The following RARB variants were observed in gnomAD, a reference collection of about 807,000 sequenced individuals.
RARB encodes retinoic acid receptor beta, also known as HBV-activated protein.
Under a neutral mutation model 51.9 loss-of-function variants are expected in RARB, and 17 were observed. That is an observed-to-expected ratio of 0.33 (90% CI 0.22 to 0.49). RARB has a LOEUF of 0.49. RARB is among the 20% of genes least tolerant of loss of function. The probability of loss-of-function intolerance (pLI) is 0.99; values close to 1 mark genes in which losing one functional copy is unlikely to be tolerated. For missense variants in RARB, 369 were observed against 550.8 expected (o/e 0.67, Z 3.30); for synonymous variants, 215 against 195.4 (o/e 1.10, Z -0.84).
chr3:25,206,263 C>A (rs1046432052), intron 5 of RARB, among the ~76,000 whole-genome samples: 1 of 152,170 alleles, frequency 6.6e-6, no homozygotes, highest in Admixed American at 6.5e-5. Flanking sequence ...TAAAATTGAA[C>A]TAGCTAGTGT....
intron 5 of RARB, among the ~76,000 whole-genome samples, chr3:25,316,894 G>T (rs1020955577): frequency 1.2e-4 from 19 of 152,154 alleles, no homozygotes; most frequent in South Asian, 2.1e-4. Flanking sequence ...AAACTATCCA[G>T]TTAACCGTCT....
intron 1 of RARB, among the ~76,000 whole-genome samples, chr3:25,432,604 A>C (rs1708253543): frequency 6.6e-6 from 1 of 152,204 alleles, no homozygotes. Flanking sequence ...TCTAAAGCGT[A>C]AGAATAAAAA....
chr3:25,061,284 T>C (rs1170593131), intron 3 of RARB, among the ~76,000 whole-genome samples: 1 of 151,874 alleles, frequency 6.6e-6, no homozygotes, highest in African/African-American at 2.4e-5. Flanking sequence ...ATACAAATAA[T>C]AGCAAAGGTA....
At chr3:24,837,840 A>T (rs1575029864) in intron 1 of RARB, among the ~76,000 whole-genome samples, 1 of 152,232 alleles carries the variant, frequency 6.6e-6, no homozygotes, top group East Asian at 1.9e-4. Flanking sequence ...TAGGGTCACC[A>T]GTGGCCATGA....
intron 5 of RARB, among the ~76,000 whole-genome samples, chr3:25,344,361 G>A (rs1267772378): frequency 1.3e-5 from 2 of 152,106 alleles, no homozygotes; most frequent in East Asian, 3.9e-4. Context: ...CAAATTAAGA[G>A]CAATTAATTT....
At chr3:24,836,839 G>A (rs1702351568) in intron 1 of RARB, among the ~76,000 whole-genome samples, 1 of 152,222 alleles carries the variant, frequency 6.6e-6, no homozygotes, top group Non-Finnish European at 1.5e-5. Context: ...ATTAGAGAAT[G>A]TGAATAACGG....
chr3:24,988,514 C>G (rs1172387226), intron 2 of RARB, among the ~76,000 whole-genome samples: 1 of 152,064 alleles, frequency 6.6e-6, no homozygotes, highest in Non-Finnish European at 1.5e-5. Flanking sequence ...CCCTTGCTCC[C>G]CAGATAAGTA....
At chr3:25,100,376 C>T (rs771388354) in intron 3 of RARB, among the ~76,000 whole-genome samples, 2 of 152,018 alleles carry the variant, frequency 1.3e-5, no homozygotes, top group Non-Finnish European at 2.9e-5. Flanking sequence ...ATGCAGAGAC[C>T]AGGAAGAAGT....
At chr3:25,083,874 T>A (rs1587430) in intron 3 of RARB, among the ~76,000 whole-genome samples, 134,991 of 152,224 alleles carry the variant, frequency 0.89, 60,192 homozygotes, top group African/African-American at 0.97. Flanking sequence ...TAGAGTTGCC[T>A]TACTCTTTAA....
At chr3:25,030,605 G>T (rs1418485845) in intron 2 of RARB, among the ~76,000 whole-genome samples, 2 of 152,076 alleles carry the variant, frequency 1.3e-5, no homozygotes, top group African/African-American at 4.8e-5. Context: ...AATAAGTTGG[G>T]GTCTAGAAAA....
chr3:24,950,543 T>A (rs964937859), intron 2 of RARB, among the ~76,000 whole-genome samples: 3 of 152,180 alleles, frequency 2.0e-5, no homozygotes, highest in African/African-American at 4.8e-5. Context: ...TATCACAGAT[T>A]AGCTTGCCTG....
chr3:25,295,975 T>C (rs938928774), intron 5 of RARB, among the ~76,000 whole-genome samples: 1 of 152,198 alleles, frequency 6.6e-6, no homozygotes, highest in African/African-American at 2.4e-5. Flanking sequence ...ACACACCAAA[T>C]GTGTTTCTCA....
Position 25,335,714 on chromosome 3 carries a change from TTTAC to T in RARB, c.179-125476_179-125473del, listed in dbSNP as rs369160299. On this transcript the variant is annotated intron_variant, in intron 5 of 11. Transcript: ENST00000383772. ...CCAACCAAATTGCCAGAATTTCACATTTACTTTCTGCAAGAGTGGACAGGGAGAC... is the reference window on the plus strand; with the variant it reads ...CCAACCAAATTGCCAGAATTTCACATTTTCTGCAAGAGTGGACAGGGAGAC... 1.7e-3 allele frequency among the ~76,000 whole-genome samples: 263 copies of T among 152,306 alleles called. 1 individual carries two copies. Among genetic ancestry groups the T allele is most frequent in the African/African-American group, 5.8e-3 (242 of 41,564 alleles).
At chr3:25,515,093 C>G (rs765041820) in intron 3 of RARB, among the ~76,000 whole-genome samples, 3 of 152,166 alleles carry the variant, frequency 2.0e-5, no homozygotes, top group Non-Finnish European at 4.4e-5. Flanking sequence ...TGGAGATGGC[C>G]TTCCCCACAT....
chr3:25,216,664 T>C (rs539522022), intron 5 of RARB, among the ~76,000 whole-genome samples: 7 of 151,832 alleles, frequency 4.6e-5, no homozygotes, highest in South Asian at 4.2e-4. Flanking sequence ...TGTATACTTA[T>C]TGCAACAAAT....
At chr3:25,194,837 A>G (rs1200261975) in intron 5 of RARB, among the ~76,000 whole-genome samples, 2 of 151,942 alleles carry the variant, frequency 1.3e-5, no homozygotes, top group Non-Finnish European at 2.9e-5. Flanking sequence ...TCAAGTTTCT[A>G]TGATGGCCGC....
At chr3:25,300,493 G>A (rs1276032854) in intron 5 of RARB, among the ~76,000 whole-genome samples, 1 of 152,196 alleles carries the variant, frequency 6.6e-6, no homozygotes, top group Non-Finnish European at 1.5e-5. Context: ...AAGAGGCACA[G>A]GGACAGGGTC....
chr3:25,255,186 C>G (rs1245707684), intron 5 of RARB, among the ~76,000 whole-genome samples: 1 of 152,110 alleles, frequency 6.6e-6, no homozygotes, highest in East Asian at 1.9e-4. Flanking sequence ...CTTCCCCCAC[C>G]TTCACAGACA....
chr3:25,098,071 A>C lies in RARB; in HGVS notation c.-327-34090A>C, dbSNP rs149563728. On this transcript the variant is annotated intron_variant, in intron 3 of 11. Transcript: ENST00000383772. ...TACTGAAATATAATGTACATGCAGA[A>C]AAATATACACACACAGCTATGAGTT... Among the ~76,000 whole-genome samples the C allele has an allele frequency of 2.6e-5, 4 of 152,288 alleles. No homozygotes were observed. The East Asian group carries it at 7.7e-4, about 29-fold the overall frequency.
Sources: gnomAD v4.1 joint callset for allele counts (sites outside exome capture counted in the v4.1 genomes callset) on GRCh38, gnomAD v4.1.1 for gene constraint, MANE v1.5 for transcripts, NCBI Gene and HGNC (gene_info 2026-07-23, HGNC 2026-07-21) for gene names.